FARP1: variants seen among roughly 807,000 people sequenced by gnomAD.
The protein encoded by FARP1 is FERM, ARH/RhoGEF and pleckstrin domain protein 1.
In FARP1, 52 loss-of-function variants were observed where a neutral mutation model predicts 128.8. The observed-to-expected ratio is 0.40, with a 90% CI of 0.32 to 0.51. The LOEUF (loss-of-function observed/expected upper bound fraction) is 0.51, where lower values mean the gene tolerates loss of function less well. Ranked by LOEUF, FARP1 falls within the 20% of genes least tolerant of loss-of-function variation. The probability of loss-of-function intolerance (pLI) is 0.45; values close to 1 mark genes in which losing one functional copy is unlikely to be tolerated. For missense variants in FARP1, 1,333 were observed against 1,367.9 expected, an observed-to-expected ratio of 0.97 and a Z score of 0.40; for synonymous variants, 580 against 551.8, an observed-to-expected ratio of 1.05 and a Z score of -0.72.
At chr13:98,167,812 CTAA>C (rs1877378704) in intron 1 of FARP1, among the ~76,000 whole-genome samples, 3 of 152,066 alleles carry the variant, frequency 2.0e-5, no homozygotes, top group Non-Finnish European at 4.4e-5. Context: ...TTTTATTTTT[CTAA>C]TAATAATCAG....
intron 13 of FARP1, among the ~76,000 whole-genome samples, chr13:98,409,054 C>T (rs776579967): frequency 6.6e-6 from 1 of 152,144 alleles, no homozygotes; most frequent in Non-Finnish European, 1.5e-5. Flanking sequence ...ATTCCTATTT[C>T]GGGATACACT....
At chr13:98,271,121 A>G (rs926495321) in intron 2 of FARP1, among the ~76,000 whole-genome samples, 2 of 152,226 alleles carry the variant, frequency 1.3e-5, no homozygotes, top group Non-Finnish European at 2.9e-5. Flanking sequence ...AGGATTATTC[A>G]AGGAAATGAA....
chr13:98,246,077 G>A (rs1273890613), intron 2 of FARP1, among the ~76,000 whole-genome samples: 1 of 129,886 alleles, frequency 7.7e-6, no homozygotes, highest in East Asian at 2.5e-4. Flanking sequence ...GCGCCCGGCC[G>A]AGATAAATTC....
At chr13:98,200,232 TG>T (rs1376043499) in intron 1 of FARP1, among the ~76,000 whole-genome samples, 1 of 152,182 alleles carries the variant, frequency 6.6e-6, no homozygotes, top group Non-Finnish European at 1.5e-5. Context: ...CCTCTTTTCT[TG>T]GGGAAGTTAC....
At chr13:98,262,174 C>T (rs1050711966) in intron 2 of FARP1, among the ~76,000 whole-genome samples, 5 of 148,820 alleles carry the variant, frequency 3.4e-5, no homozygotes, top group African/African-American at 1.0e-4. Context: ...TGCTACCGCG[C>T]CCTGCTAATT....
At chr13:98,299,167 T>G (rs1294542487) in intron 2 of FARP1, among the ~76,000 whole-genome samples, 1 of 152,242 alleles carries the variant, frequency 6.6e-6, no homozygotes, top group Non-Finnish European at 1.5e-5. Flanking sequence ...CAAAAACATT[T>G]GAACCGACAG....
chr13:98,367,266 C>A (rs1472797997), intron 4 of FARP1, among the ~76,000 whole-genome samples: 2 of 152,114 alleles, frequency 1.3e-5, no homozygotes, highest in African/African-American at 4.8e-5. Context: ...AAATGAGTCT[C>A]ATGCCTCAGC....
At chr13:98,427,747 C>T (rs1250918484) in intron 17 of FARP1, among the ~76,000 whole-genome samples, 1 of 152,172 alleles carries the variant, frequency 6.6e-6, no homozygotes, top group Non-Finnish European at 1.5e-5. Flanking sequence ...GGGGAGCTGG[C>T]ATTTCTGCAT....
chr13:98,193,399 C>T (rs575736802), intron 1 of FARP1, among the ~76,000 whole-genome samples: 2 of 152,278 alleles, frequency 1.3e-5, no homozygotes, highest in African/African-American at 4.8e-5. Context: ...TAGAAGCAGC[C>T]AGCTGACTTA....
At chr13:98,227,784 T>A (rs2062195144) in intron 2 of FARP1, among the ~76,000 whole-genome samples, 1 of 152,192 alleles carries the variant, frequency 6.6e-6, no homozygotes, top group Non-Finnish European at 1.5e-5. Context: ...GGTGTACTAT[T>A]CAGTCTTAAA....
intron 2 of FARP1, among the ~76,000 whole-genome samples, chr13:98,225,681 A>G (rs900902627): frequency 1.3e-5 from 2 of 152,254 alleles, no homozygotes; most frequent in African/African-American, 4.8e-5. Flanking sequence ...CTGGTTCAGC[A>G]GAAACCAAGA....
At chr13:98,291,609 C>A (rs1486578563) in intron 2 of FARP1, among the ~76,000 whole-genome samples, 4 of 152,140 alleles carry the variant, frequency 2.6e-5, no homozygotes, top group Admixed American at 6.5e-5. Context: ...GGGTATATCC[C>A]ATCCCAGCAA....
intron 2 of FARP1, among the ~76,000 whole-genome samples, chr13:98,266,041 C>T (rs759671031): frequency 6.6e-6 from 1 of 151,970 alleles, no homozygotes; most frequent in South Asian, 2.1e-4. Flanking sequence ...GACTTGAAAG[C>T]GCTTTTTTTT....
intron 1 of FARP1, among the ~76,000 whole-genome samples, chr13:98,199,920 T>G (rs1025384613): frequency 2.9e-4 from 44 of 152,274 alleles, no homozygotes; most frequent in African/African-American, 9.9e-4. Context: ...TGGGAATGAT[T>G]GGAGATTTTT....
chr13:98,254,817 G>T (rs537993927), intron 2 of FARP1, among the ~76,000 whole-genome samples: 85 of 152,324 alleles, frequency 5.6e-4, no homozygotes, highest in African/African-American at 2.0e-3. Flanking sequence ...ACCAATGGCA[G>T]TGGGGGAATG....
chr13:98,258,260 C>T (rs753876988), intron 2 of FARP1, among the ~76,000 whole-genome samples: 1 of 152,180 alleles, frequency 6.6e-6, no homozygotes, highest in Non-Finnish European at 1.5e-5. Flanking sequence ...AGCAACCACA[C>T]CCGGCCTGTA....
intron 2 of FARP1, among the ~76,000 whole-genome samples, chr13:98,305,442 T>C (rs1886103998): frequency 6.6e-6 from 1 of 152,080 alleles, no homozygotes; most frequent in African/African-American, 2.4e-5. Context: ...CAAGCGATTC[T>C]CCTGCCTCAG....
At position 98,143,146 on chromosome 13, in the gene FARP1, G is replaced by T. The variant is rs1375769695; in HGVS notation, c.-370G>T. ...CGGCGGGTCCGGCGCGGGCGCAGCGGTGCGGGCGCTCGGCTGGGGCGCGGG... is the reference window on the plus strand; with the variant it reads ...CGGCGGGTCCGGCGCGGGCGCAGCGTTGCGGGCGCTCGGCTGGGGCGCGGG... On this transcript the variant is annotated 5_prime_UTR_variant, in exon 1 of 27. Transcript: ENST00000319562. 3 of 147,418 alleles carry T rather than the reference G, an allele frequency of 2.0e-5. No individual in the cohort carries two copies. The highest frequency in any genetic ancestry group is 7.3e-5 in the African/African-American group (3 of 40,888). 9.1% of individuals were successfully genotyped at this position (147,418 alleles called of 1,614,324 possible).
At position 98,448,065 on chromosome 13, in the gene FARP1, C is replaced by T. The variant is rs747332443; in HGVS notation, c.3057-171C>T. The T allele has an allele frequency of 6.2e-6, 4 of 644,764 alleles. No individual in the cohort carries two copies. The African/African-American group carries it at 7.2e-5, about 12-fold the overall frequency. 39.9% of individuals were successfully genotyped at this position (644,764 alleles called of 1,614,324 possible). On this transcript the variant is annotated intron_variant, in intron 26 of 26. Coordinates refer to ENST00000319562, the MANE Select transcript of FARP1 (RefSeq NM_005766.4). ...GAGTGCCCAGGCCAGTGGGTCTCCA[C>T]TGTACCTCAGGAACGCCTGGGTGCT...
Sources: gnomAD v4.1 joint callset for allele counts (sites outside exome capture counted in the v4.1 genomes callset) on GRCh38, gnomAD v4.1.1 for gene constraint, MANE v1.5 for transcripts, NCBI Gene and HGNC (gene_info 2026-07-23, HGNC 2026-07-21) for gene names.